The following FAM163A variants were observed in gnomAD, a reference collection of about 807,000 sequenced individuals.
FAM163A encodes the protein family with sequence similarity 163 member A, also known as protein FAM163A.
FAM163A carries 7 observed loss-of-function variants against 12.0 expected under a neutral mutation model. The observed-to-expected ratio is 0.58, with a 90% CI of 0.33 to 1.10. The LOEUF is 1.10. Ranked by LOEUF, FAM163A falls within the 50% of genes least tolerant of loss-of-function variation. The pLI is 0.03. For synonymous variants in FAM163A, 101 were observed against 91.0 expected (o/e 1.11, Z -0.62); for missense variants, 202 against 218.6 (o/e 0.92, Z 0.48).
chr1:179,770,667 A>T (rs530722312), intron 1 of FAM163A, among the ~76,000 whole-genome samples: 2 of 151,808 alleles, frequency 1.3e-5, no homozygotes, highest in East Asian at 3.9e-4. Flanking sequence ...CTCTGCCTGG[A>T]ACACTCTCCC....
the FAM163A span, among the ~76,000 whole-genome samples, chr1:179,737,877 A>G: frequency 6.6e-6 from 1 of 152,200 alleles, no homozygotes; most frequent in Non-Finnish European, 1.5e-5. Context: ...ATGCAAGGAA[A>G]CTTTTAGAGG....
At chr1:179,771,067 CT>C (rs1688209298) in intron 1 of FAM163A, among the ~76,000 whole-genome samples, 1 of 152,254 alleles carries the variant, frequency 6.6e-6, no homozygotes, top group South Asian at 2.1e-4. Flanking sequence ...ACAGGGCCTG[CT>C]TTTTCCGGTA....
intron 1 of FAM163A, among the ~76,000 whole-genome samples, chr1:179,786,463 G>C (rs1211505781): frequency 6.6e-6 from 1 of 152,208 alleles, no homozygotes; most frequent in Non-Finnish European, 1.5e-5. Flanking sequence ...ACAGGTTATG[G>C]ACCTAGGAGC....
intron 1 of FAM163A, among the ~76,000 whole-genome samples, chr1:179,804,255 G>A (rs1455999544): frequency 1.3e-5 from 2 of 152,160 alleles, no homozygotes; most frequent in Non-Finnish European, 2.9e-5. Flanking sequence ...CATGGCTCAG[G>A]TAATTGTTAA....
chr1:179,757,261 G>A (rs781175065), intron 1 of FAM163A, among the ~76,000 whole-genome samples: 8 of 152,216 alleles, frequency 5.3e-5, no homozygotes, highest in Non-Finnish European at 8.8e-5. Context: ...GAGATGGGGA[G>A]AGGGGAAAGC....
intron 1 of FAM163A, among the ~76,000 whole-genome samples, chr1:179,748,273 G>A (rs767110642): frequency 6.6e-6 from 1 of 152,146 alleles, no homozygotes; most frequent in African/African-American, 2.4e-5. Flanking sequence ...ATTCTGGAAC[G>A]CACAAGGCAG....
chr1:179,797,922 G>A (rs1692573733), intron 1 of FAM163A, among the ~76,000 whole-genome samples: 1 of 152,068 alleles, frequency 6.6e-6, no homozygotes, highest in Admixed American at 6.6e-5. Context: ...GCATGTGTGT[G>A]TATAACTATT....
At chr1:179,790,765 C>G (rs1691358539) in intron 1 of FAM163A, among the ~76,000 whole-genome samples, 1 of 131,662 alleles carries the variant, frequency 7.6e-6, no homozygotes, top group Non-Finnish European at 1.8e-5. Context: ...TGGGAGAAGG[C>G]AGCTCCAGCT....
At chr1:179,761,924 T>C (rs1463373899) in intron 1 of FAM163A, among the ~76,000 whole-genome samples, 1 of 152,182 alleles carries the variant, frequency 6.6e-6, no homozygotes, top group Non-Finnish European at 1.5e-5. Context: ...TTTAGAGCTG[T>C]TGAAACGGAG....
At chr1:179,729,237 C>T in the FAM163A span, among the ~76,000 whole-genome samples, 3 of 152,124 alleles carry the variant, frequency 2.0e-5, no homozygotes, top group Non-Finnish European at 4.4e-5. Flanking sequence ...CCTTGCATTG[C>T]CATATAGGTG....
chr1:179,795,957 T>TTTATTATTATTA (rs1557958055), intron 1 of FAM163A, among the ~76,000 whole-genome samples: 10 of 77,820 alleles, frequency 1.3e-4, no homozygotes, highest in African/African-American at 7.3e-4. Flanking sequence ...GGAGTCTTTC[T>TTTATTATTATTA]CTATTATTAT....
intron 1 of FAM163A, among the ~76,000 whole-genome samples, chr1:179,793,639 A>G (rs182815626): frequency 1.3e-5 from 2 of 152,338 alleles, no homozygotes; most frequent in East Asian, 1.9e-4. Context: ...GTGTAATGTC[A>G]TAGCTCCCTT....
At chr1:179,756,979 T>A (rs536957182) in intron 1 of FAM163A, among the ~76,000 whole-genome samples, 2 of 152,306 alleles carry the variant, frequency 1.3e-5, no homozygotes, top group South Asian at 4.1e-4. Context: ...GAATTCAGAA[T>A]AAACAAATTG....
intron 1 of FAM163A, among the ~76,000 whole-genome samples, chr1:179,764,816 G>T (rs899669615): frequency 6.6e-5 from 10 of 152,318 alleles, no homozygotes; most frequent in Non-Finnish European, 1.5e-4. Context: ...TGACCTCTCT[G>T]TGCCTCAGTT....
chr1:179,768,127 T>C (rs1394833873), intron 1 of FAM163A, among the ~76,000 whole-genome samples: 1 of 152,222 alleles, frequency 6.6e-6, no homozygotes, highest in Non-Finnish European at 1.5e-5. Flanking sequence ...GCTTATTTCA[T>C]TTAGCATAAT....
intron 2 of FAM163A, among the ~76,000 whole-genome samples, chr1:179,811,293 G>A (rs1282024958): frequency 6.6e-6 from 1 of 152,164 alleles, no homozygotes; most frequent in Non-Finnish European, 1.5e-5. Context: ...GGTACTCAGA[G>A]ACAAAACTGG....
chr1:179,807,634 G>A (rs1694135257), intron 1 of FAM163A, among the ~76,000 whole-genome samples, 164 bp from the exon 2 acceptor site: 1 of 152,166 alleles, frequency 6.6e-6, no homozygotes, highest in African/African-American at 2.4e-5. Flanking sequence ...CTTAGGCTGG[G>A]GCCTCGGAAA....
rs7535379 is a variant in FAM163A, at chr1:179,763,572, C to T, written c.-136+20149C>T. Among the ~76,000 whole-genome samples the T allele has an allele frequency of 3.9e-3, 591 of 152,304 alleles. 5 individuals are homozygous for T. Among genetic ancestry groups the T allele is most frequent in the African/African-American group, 0.013 (558 of 41,564 alleles). On this transcript the variant is annotated intron_variant, in intron 1 of 4. Coordinates refer to ENST00000341785, the MANE Select transcript of FAM163A (RefSeq NM_173509.3). ...GATGCACTCTGCTTTTTCCTACTTTCCTGCTCTAAGGATGTGTAATTCTTT... is the reference window on the plus strand; with the variant it reads ...GATGCACTCTGCTTTTTCCTACTTTTCTGCTCTAAGGATGTGTAATTCTTT...
At chr1:179,797,075 G>A (rs1442956286) in intron 1 of FAM163A, among the ~76,000 whole-genome samples, 1 of 152,080 alleles carries the variant, frequency 6.6e-6, no homozygotes, top group African/African-American at 2.4e-5. Context: ...GCTACAGGGT[G>A]CAAAGTGATA....
Sources: allele counts gnomAD v4.1 joint callset (sites outside exome capture counted in the v4.1 genomes callset), GRCh38; gene constraint gnomAD v4.1.1; transcripts MANE v1.5; gene names NCBI Gene and HGNC (gene_info 2026-07-23, HGNC 2026-07-21).